Variants in AGAP2 observed in about 807,000 individuals in gnomAD.
The protein encoded by AGAP2 is ArfGAP with GTPase domain, ankyrin repeat and PH domain 2, also known as arf-GAP with GTPase, ANK repeat and PH domain-containing protein 2.
AGAP2 carries 32 observed loss-of-function variants against 110.9 expected under a neutral mutation model. The ratio of observed to expected loss-of-function variants is 0.29; its 90% CI spans 0.22 to 0.39. AGAP2 has a LOEUF of 0.39. AGAP2 is among the 10% of genes least tolerant of loss of function. The probability of loss-of-function intolerance (pLI) is 1.00; values close to 1 mark genes in which losing one functional copy is unlikely to be tolerated. For missense variants in AGAP2, 1,285 were observed against 1,638.5 expected, an observed-to-expected ratio of 0.78 and a Z score of 3.72; for synonymous variants, 702 against 713.0, an observed-to-expected ratio of 0.98 and a Z score of 0.25.
In AGAP2 at chr12:57,731,428, A is replaced by G. The variant is rs1954881967; in HGVS notation, c.2083T>C (p.Trp695Arg). ...KRSGNSLNKE[W>R]KKKYVTLSSN... ...GACAGGGTTACATATTTCTTCTTCC[A>G]TTCTTTGTTCAAGGAATTGCCACTT... The change falls in exon 10 of 19, where the codon TGG (tryptophan) becomes CGG (arginine). Residue 695 changes from tryptophan (W) to arginine (R), a missense_variant. Trp to Arg is a moderately radical substitution (Grantham distance 101, BLOSUM62 -3). Around this residue, in one of 7 missense-constraint regions of AGAP2, gnomAD observed 24 missense variants for 69.5 expected, o/e 0.35. Coordinates refer to ENST00000547588, the MANE Select transcript of AGAP2 (RefSeq NM_001122772.3). 6.2e-7 allele frequency: 1 copy of G among 1,614,044 alleles called. No homozygotes were observed. Among genetic ancestry groups the G allele is most frequent in the African/African-American group, 1.3e-5 (1 of 74,896 alleles).
intron 13 of AGAP2, among the ~76,000 whole-genome samples, chr12:57,728,832 C>T (rs1361053688): frequency 6.6e-6 from 1 of 152,060 alleles, no homozygotes; most frequent in Non-Finnish European, 1.5e-5. Context: ...TCACTATGGT[C>T]AAGGGCTGTT....
chr12:57,734,149 T>C lies in AGAP2; in HGVS notation c.1426A>G (p.Ile476Val). 6.2e-7 allele frequency: 1 copy of C among 1,612,134 alleles called. No individual in the cohort carries two copies. The highest frequency in any genetic ancestry group is 8.5e-7 in the Non-Finnish European group (1 of 1,178,846). Residue 476 changes from isoleucine (I) to valine (V), a missense_variant, in exon 5 of 19, where the codon ATC becomes GTC. Physicochemically the swap from Ile to Val is conservative, Grantham distance 29. Coordinates refer to ENST00000547588, the MANE Select transcript of AGAP2 (RefSeq NM_001122772.3). ...AKFSGWADAV[I>V]FVFSLEDENS... is the part of the protein sequence containing the mutation. ...TCATCCTCCAGGCTGAAGACGAAGA[T>C]CACAGCATCTGCCCAGCCTGAGAAC...
intron 13 of AGAP2, among the ~76,000 whole-genome samples, chr12:57,729,007 CT>C (rs1480113888): frequency 6.6e-6 from 1 of 151,688 alleles, no homozygotes; most frequent in Non-Finnish European, 1.5e-5. Flanking sequence ...AACCCAGTCT[CT>C]ACTAAAAAAT....
chr12:57,734,479 T>C (rs373897917), intron 3 of AGAP2, 75 bp from the exon 4 acceptor site: 28 of 1,592,364 alleles, frequency 1.8e-5, no homozygotes, highest in Middle Eastern at 3.3e-4. Flanking sequence ...CCCAGTGCTT[T>C]TGCTATTATG....
chr12:57,735,527 C>CG lies in AGAP2; in HGVS notation c.1169-101_1169-100insC, dbSNP rs1179843244. 1.1e-4 allele frequency: 120 copies of CG among 1,124,516 alleles called. 1 individual carries two copies. In the South Asian group the frequency reaches 1.5e-3, roughly 14 times the overall value. The allele number at this position is 1,124,516 out of a possible 1,614,324, so 69.7% of individuals were successfully genotyped here. A position where few individuals can be genotyped will look rare whatever the true frequency, so the allele number is the denominator to read the frequency against. On this transcript the variant is annotated intron_variant, in intron 1 of 18. Coordinates refer to ENST00000547588, the MANE Select transcript of AGAP2 (RefSeq NM_001122772.3). Reference sequence around the variant, plus strand: ...CCCTCTGCAGCTTTCCAACCCCCCCCCAACCCTGCCTGCACTGGAGAGGTG... The same window carrying CG: ...CCCTCTGCAGCTTTCCAACCCCCCCCGCAACCCTGCCTGCACTGGAGAGGTG...
chr12:57,734,895 G>T lies in AGAP2; in HGVS notation c.1228-216C>A, dbSNP rs75933563. On this transcript the variant is annotated intron_variant, in intron 2 of 18. Transcript: ENST00000547588. ...TCAGGGCATGAGTGTGGTAAGAAAT[G>T]ATCCCAAGCTCAAAGTGGAGCACGA... is the stretch of plus-strand genomic sequence containing the variant. 1.5e-3 allele frequency among the ~76,000 whole-genome samples: 227 copies of T among 152,108 alleles called. 1 individual carries two copies. The highest frequency in any genetic ancestry group is 3.2e-3 in the Admixed American group (49 of 15,262).
At position 57,729,743 on chromosome 12, in the gene AGAP2, C is replaced by T. The variant is rs1237783300; in HGVS notation, c.2453G>A (p.Ser818Asn). The change falls in exon 13 of 19, where the codon AGC becomes AAC. Residue 818 changes from serine (S) to asparagine (N), a missense_variant. Ser to Asn is a conservative substitution (Grantham distance 46). Transcript: ENST00000547588. ...STDCTPSGDL[S>N]PLSREPPPSP... ...AGGAGGGGGTTCCCGACTCAGGGGG[C>T]TCAGGTCTCCAGATGGGGTACAGTC... 2 of 1,613,398 alleles carry T rather than the reference C, an allele frequency of 1.2e-6. No homozygotes were observed. The highest frequency in any genetic ancestry group is 1.7e-6 in the Non-Finnish European group (2 of 1,179,578).
At position 57,737,740 on chromosome 12, in the gene AGAP2, C is replaced by A. The variant is rs972349382; in HGVS notation, c.507G>T (p.Pro169=). 3.2e-6 allele frequency: 5 copies of A among 1,542,068 alleles called. No homozygotes were observed. Among genetic ancestry groups the A allele is most frequent in the Admixed American group, 1.9e-5 (1 of 51,410 alleles). The change falls in exon 1 of 19, where the codon CCG becomes CCT. Residue 169 remains proline, a synonymous_variant. Transcript: ENST00000547588. This position sits in a 1 kb window ranked among gnomAD's most constrained non-coding sequence, Gnocchi z 5.9. ...AGGGIPGSSS[P]HPGTGSRRLK... is the part of the protein sequence containing the mutation. The stretch of plus-strand genomic sequence containing the variant: ...GCCTCCGGCTGCCGGTGCCAGGGTG[C>A]GGAGAGGATGAGCCAGGGATGCCGC...
intron 10 of AGAP2, 132 bp from the exon 11 acceptor site, chr12:57,731,085 T>A: frequency 3.0e-6 from 3 of 996,312 alleles, no homozygotes; most frequent in Non-Finnish European, 4.3e-6. Flanking sequence ...GATGAACATC[T>A]AGGGGATGGG....
intron 1 of AGAP2, among the ~76,000 whole-genome samples, 185 bp downstream of exon 1, chr12:57,736,894 T>C (rs1245682303): frequency 1.3e-5 from 2 of 152,212 alleles, no homozygotes; most frequent in Non-Finnish European, 2.9e-5. Flanking sequence ...TGTCGCACAA[T>C]GTAGCTACTC....
chr12:57,730,999 G>A, intron 10 of AGAP2, 46 bp from the exon 11 acceptor site: 3 of 1,467,122 alleles, frequency 2.0e-6, no homozygotes, highest in Non-Finnish European at 2.7e-6. Flanking sequence ...TGGGGTCCTT[G>A]GTATGCTGGG....
At chr12:57,729,913 T>C (rs1284140362) in intron 12 of AGAP2, 146 bp from the exon 13 acceptor site, 1 of 1,129,200 alleles carries the variant, frequency 8.9e-7, no homozygotes, top group Non-Finnish European at 1.2e-6. Flanking sequence ...CCCTTGATCA[T>C]TCCTGGGGAT....
At position 57,734,633 on chromosome 12, in the gene AGAP2, C is replaced by T; in HGVS notation, c.1274G>A (p.Arg425Gln). 9.3e-6 allele frequency: 15 copies of T among 1,614,152 alleles called. No homozygotes were observed. The highest frequency in any genetic ancestry group is 2.2e-5 in the East Asian group (1 of 44,878). The change falls in exon 3 of 19, where the codon CGA (arginine) becomes CAA (glutamine). Residue 425 changes from arginine (R) to glutamine (Q), a missense_variant. Arg to Gln is a conservative substitution (Grantham distance 43, BLOSUM62 1). This residue lies in a region of AGAP2 where 844 missense variants were observed against 941.2 expected (regional missense o/e 0.90). Transcript: ENST00000547588. ...CACCTGGTATGAGCCAGTCAGGAAT[C>T]GGTGGATGAGCGATGACTTCCCACT... is the stretch of plus-strand genomic sequence containing the variant. ...ARSGKSSLIHRFLTGSYQVLE... is the reference protein window; with the variant it reads ...ARSGKSSLIHQFLTGSYQVLE...
rs1313906518 is a variant in AGAP2 at position 57,726,940 on chromosome 12, C to T, written c.3336+34G>A. On this transcript the variant is annotated intron_variant, in intron 18 of 18. Transcript: ENST00000547588. This position sits in a 1 kb window ranked among gnomAD's most constrained non-coding sequence, Gnocchi z 5.7. ...CCAGGCGTTTTCCGAGATGAAGCCT[C>T]AAAGACCCCCTTTCCTCCCCCCAGC... 1 of 1,509,746 alleles carries T rather than the reference C, an allele frequency of 6.6e-7. No homozygotes were observed. Among genetic ancestry groups the T allele is most frequent in the Admixed American group, 2.2e-5 (1 of 46,510 alleles). 93.5% of individuals were successfully genotyped at this position (1,509,746 alleles called of 1,614,324 possible).
chr12:57,738,140 G>A lies in AGAP2; in HGVS notation c.107C>T (p.Ala36Val). 4 of 1,521,984 alleles carry A rather than the reference G, an allele frequency of 2.6e-6. No homozygotes were observed. The highest frequency in any genetic ancestry group is 2.5e-5 in the East Asian group (1 of 39,544). 94.3% of individuals were successfully genotyped at this position (1,521,984 alleles called of 1,614,324 possible). Reference sequence around the variant, plus strand: ...GGCACCGGCGGCGCCGGCCGCGGCCGCAGACGGAGAAGGCGGCGGCGGAGG... The same window carrying A: ...GGCACCGGCGGCGCCGGCCGCGGCCACAGACGGAGAAGGCGGCGGCGGAGG... ...SVPPPPPSPS[A>V]AAAGAAGARG... Residue 36 changes from alanine to valine, a missense_variant, in exon 1 of 19, where the codon GCG becomes GTG. Around this residue, in one of 7 missense-constraint regions of AGAP2, gnomAD observed 844 missense variants for 941.2 expected, o/e 0.90. Transcript: ENST00000547588. The surrounding 1 kb of genome is among the most constrained non-coding windows in gnomAD (Gnocchi z 6.7).
intron 11 of AGAP2, 28 bp downstream of exon 11, chr12:57,730,763 C>T: frequency 1.2e-6 from 2 of 1,613,122 alleles, no homozygotes; most frequent in South Asian, 1.1e-5. Flanking sequence ...GGCCCCTCTT[C>T]TGCTCCTATG....
chr12:57,742,120 GC>G (rs955048083), upstream of AGAP2: 1 of 1,591,022 alleles, frequency 6.3e-7, no homozygotes, highest in Non-Finnish European at 8.6e-7. Flanking sequence ...TGGCCCTGAG[GC>G]CCATGGCCCT....
chr12:57,724,172 C>CTCCA (rs1565787505), downstream of AGAP2: 1 of 152,270 alleles, frequency 6.6e-6, no homozygotes, highest in African/African-American at 2.4e-5. Context: ...GAGCCGCAGC[C>CTCCA]TCCATGTGAA....
In AGAP2 at chr12:57,728,069, G is replaced by A; in HGVS notation, c.2634C>T (p.Phe878=). Residue 878 remains phenylalanine (F), a synonymous_variant, in exon 15 of 19, where the codon TTC becomes TTT. Coordinates refer to ENST00000547588, the MANE Select transcript of AGAP2 (RefSeq NM_001122772.3). ...NIYKAEENFE[F]LIVSSTGQTW... ...TCTGACCCGTGCTGGACACGATCAGGAACTCAAAGTTTTCCTCTGAGTGGG... is the reference window on the plus strand; with the variant it reads ...TCTGACCCGTGCTGGACACGATCAGAAACTCAAAGTTTTCCTCTGAGTGGG... 6.3e-7 allele frequency: 1 copy of A among 1,599,504 alleles called. No homozygotes were observed. Among genetic ancestry groups the A allele is most frequent in the Non-Finnish European group, 8.5e-7 (1 of 1,172,894 alleles).
Sources: gnomAD v4.1 joint callset for allele counts (sites outside exome capture counted in the v4.1 genomes callset) on GRCh38, gnomAD v4.1.1 for gene constraint, gnomAD v4.1.1 regional missense constraint, Gnocchi (gnomAD v3.1) non-coding constraint, MANE v1.5 for transcripts, NCBI Gene and HGNC (gene_info 2026-07-23, HGNC 2026-07-21) for gene names.